NTNG1: variants seen among roughly 807,000 people sequenced by gnomAD.
NTNG1 encodes the protein netrin-G1.
Under a neutral mutation model 54.0 loss-of-function variants are expected in NTNG1, and 16 were observed. That is an observed-to-expected ratio of 0.30 (90% confidence interval 0.20 to 0.45). The LOEUF (loss-of-function observed/expected upper bound fraction) is 0.45. NTNG1 is among the 20% of genes least tolerant of loss of function. The pLI is 1.00. For synonymous variants in NTNG1, 255 were observed against 263.1 expected (o/e 0.97, Z 0.30); for missense variants, 530 against 678.7 (o/e 0.78, Z 2.43).
chr1:107,290,304 T>A (rs1328138023), intron 2 of NTNG1, among the ~76,000 whole-genome samples: 1 of 152,146 alleles, frequency 6.6e-6, no homozygotes, highest in Non-Finnish European at 1.5e-5. Context: ...TCAATGACCC[T>A]GCCTTCAAGC....
chr1:107,430,593 TC>T, intron 5 of NTNG1, 156 bp from the exon 6 acceptor site: 1 of 801,762 alleles, frequency 1.2e-6, no homozygotes, highest in South Asian at 1.3e-5. Context: ...TCCGTGCCAG[TC>T]ACAACCACCT....
chr1:107,401,688 GTT>G (rs11389964), intron 4 of NTNG1, among the ~76,000 whole-genome samples: 7 of 145,536 alleles, frequency 4.8e-5, no homozygotes, highest in East Asian at 2.0e-4. Flanking sequence ...AATTTTCATA[GTT>G]TTTTTTTTTT....
rs138260874 is a variant in NTNG1 at position 107,446,424 on chromosome 1, A to G, written c.1390+9625A>G. Among the ~76,000 whole-genome samples the G allele has an allele frequency of 1.3e-3, 202 of 152,278 alleles. 1 individual carries two copies. Among genetic ancestry groups the G allele is most frequent in the Non-Finnish European group, 2.2e-3 (149 of 68,012 alleles). On this transcript the variant is annotated intron_variant, in intron 7 of 7. Transcript: ENST00000370068. ...AAGGGATCATTCAGTTGTATTCTGCAGGAACAACCCGTCATCTTGAATATC... is the reference window on the plus strand; with the variant it reads ...AAGGGATCATTCAGTTGTATTCTGCGGGAACAACCCGTCATCTTGAATATC...
chr1:107,452,360 A>T (rs929028439), intron 7 of NTNG1, among the ~76,000 whole-genome samples: 3 of 152,172 alleles, frequency 2.0e-5, no homozygotes, highest in Admixed American at 1.3e-4. Context: ...TCAAGGAAAC[A>T]TGGGAAGTCT....
At chr1:107,358,337 G>A (rs1670061799) in intron 3 of NTNG1, among the ~76,000 whole-genome samples, 1 of 151,672 alleles carries the variant, frequency 6.6e-6, no homozygotes, top group African/African-American at 2.4e-5. Context: ...GAAAATAGAT[G>A]GGCATGAGGA....
At chr1:107,264,556 T>A (rs558584073) in intron 2 of NTNG1, among the ~76,000 whole-genome samples, 1 of 152,358 alleles carries the variant, frequency 6.6e-6, no homozygotes, top group African/African-American at 2.4e-5. Context: ...GATTTTTCTA[T>A]CATACTGCCC....
At chr1:107,258,815 A>G (rs922994304) in intron 2 of NTNG1, among the ~76,000 whole-genome samples, 4 of 152,176 alleles carry the variant, frequency 2.6e-5, no homozygotes, top group African/African-American at 9.7e-5. Context: ...TGAGGAACAG[A>G]CTTTGGTCTG....
At chr1:107,460,201 T>C (rs1349479568) in intron 7 of NTNG1, among the ~76,000 whole-genome samples, 1 of 152,184 alleles carries the variant, frequency 6.6e-6, no homozygotes, top group Non-Finnish European at 1.5e-5. Flanking sequence ...GTGAGCTTCA[T>C]GAAACTCAGC....
Position 107,304,019 on chromosome 1 carries a change from A to G in NTNG1, c.247-20263A>G, listed in dbSNP as rs202245885. Among the ~76,000 whole-genome samples the G allele has an allele frequency of 7.8e-4, 82 of 104,590 alleles. No individual in the cohort carries two copies. In the East Asian group the frequency reaches 0.017, roughly 22 times the overall value. 68.6% of individuals were successfully genotyped at this position (104,590 alleles called of 152,430 possible). Reference sequence around the variant, plus strand: ...GTTTTGAACCCCTGCCTCTTTTCAGAAAAAAAAAAAAATAGTAATTGCAGA... The same window carrying G: ...GTTTTGAACCCCTGCCTCTTTTCAGGAAAAAAAAAAAATAGTAATTGCAGA... On this transcript the variant is annotated intron_variant, in intron 2 of 7. Coordinates refer to ENST00000370068, the MANE Select transcript of NTNG1 (RefSeq NM_001113226.3).
intron 2 of NTNG1, among the ~76,000 whole-genome samples, chr1:107,279,476 A>G (rs1477593342): frequency 1.3e-5 from 2 of 152,186 alleles, no homozygotes; most frequent in Non-Finnish European, 1.5e-5. Flanking sequence ...TAAACAGCCA[A>G]CTGGGCATTC....
chr1:107,251,763 C>G, intron 2 of NTNG1, among the ~76,000 whole-genome samples: 1 of 152,176 alleles, frequency 6.6e-6, no homozygotes, highest in East Asian at 1.9e-4. Flanking sequence ...CTTACTTTGT[C>G]TCACTGTTGT....
intron 2 of NTNG1, among the ~76,000 whole-genome samples, chr1:107,279,961 C>T (rs1376765946): frequency 6.6e-6 from 1 of 151,726 alleles, no homozygotes; most frequent in African/African-American, 2.4e-5. Flanking sequence ...CCATGTTTGG[C>T]TTTCAATGGC....
At chr1:107,456,877 C>A (rs958077513) in intron 7 of NTNG1, among the ~76,000 whole-genome samples, 34 of 152,220 alleles carry the variant, frequency 2.2e-4, no homozygotes, top group African/African-American at 8.2e-4. Context: ...TAAGGCCATA[C>A]TGGAATGCCA....
At chr1:107,343,608 G>A (rs185052340) in intron 3 of NTNG1, among the ~76,000 whole-genome samples, 2 of 151,904 alleles carry the variant, frequency 1.3e-5, no homozygotes, top group Admixed American at 6.6e-5. Context: ...AAGGCTGCAG[G>A]AGAGCTCATT....
At chr1:107,178,468 G>A (rs536864495) in intron 2 of NTNG1, among the ~76,000 whole-genome samples, 1 of 151,530 alleles carries the variant, frequency 6.6e-6, no homozygotes, top group South Asian at 2.1e-4. Flanking sequence ...CCACCACCTG[G>A]GTTTTTTTTT....
chr1:107,179,448 T>A (rs1380470530), intron 2 of NTNG1, among the ~76,000 whole-genome samples: 1 of 152,206 alleles, frequency 6.6e-6, no homozygotes, highest in South Asian at 2.1e-4. Context: ...TTTTGCTCTA[T>A]GACATTTTTC....
At chr1:107,329,661 T>C (rs1386907495) in intron 3 of NTNG1, among the ~76,000 whole-genome samples, 4 of 152,184 alleles carry the variant, frequency 2.6e-5, no homozygotes, top group Non-Finnish European at 5.9e-5. Flanking sequence ...TTTTAAAGCA[T>C]TGAGCCTGGC....
chr1:107,232,311 C>T (rs1028242728), intron 2 of NTNG1, among the ~76,000 whole-genome samples: 8 of 152,110 alleles, frequency 5.3e-5, no homozygotes, highest in African/African-American at 1.4e-4. Context: ...TATACCCCAC[C>T]GCTAAAGAAA....
intron 3 of NTNG1, among the ~76,000 whole-genome samples, chr1:107,386,417 G>T (rs1354863823): frequency 1.3e-5 from 2 of 151,808 alleles, no homozygotes; most frequent in East Asian, 3.9e-4. Flanking sequence ...CAAGTGATCT[G>T]CCTGCCTCGG....
Sources: gnomAD v4.1 joint callset for allele counts (sites outside exome capture counted in the v4.1 genomes callset) on GRCh38, gnomAD v4.1.1 for gene constraint, MANE v1.5 for transcripts, NCBI Gene and HGNC (gene_info 2026-07-23, HGNC 2026-07-21) for gene names.